CSMD1: variants seen among roughly 807,000 people sequenced by gnomAD.
CSMD1 encodes the protein CUB and Sushi multiple domains 1, also known as CUB and sushi domain-containing protein 1.
A neutral mutation model predicts 417.5 loss-of-function variants in CSMD1; 213 were observed. The ratio of observed to expected loss-of-function variants is 0.51; its 90% confidence interval spans 0.46 to 0.57. CSMD1 has a LOEUF of 0.57. CSMD1 is among the 20% of genes least tolerant of loss of function. The probability of loss-of-function intolerance (pLI) is 0.00; values close to 1 mark genes in which losing one functional copy is unlikely to be tolerated. For synonymous variants in CSMD1, 2,862 were observed against 1,736.8 expected (o/e 1.65, Z -16.11); for missense variants, 6,923 against 4,529.7 (o/e 1.53, Z -15.17).
intron 6 of CSMD1, among the ~76,000 whole-genome samples, chr8:3,722,423 C>T (rs954010009): frequency 6.6e-5 from 10 of 152,188 alleles, no homozygotes; most frequent in Admixed American, 3.9e-4. Context: ...TATAATTAAA[C>T]TCCTAATCTT....
chr8:3,567,968 C>A (rs1005230133), intron 10 of CSMD1, among the ~76,000 whole-genome samples: 1 of 152,202 alleles, frequency 6.6e-6, no homozygotes, highest in Non-Finnish European at 1.5e-5. Context: ...AATGACTGTG[C>A]AGGCATCCAG....
At chr8:3,384,212 T>C (rs559531768) in intron 18 of CSMD1, among the ~76,000 whole-genome samples, 1 of 152,098 alleles carries the variant, frequency 6.6e-6, no homozygotes, top group Non-Finnish European at 1.5e-5. Flanking sequence ...CTTTAAAAAA[T>C]GGTTGTCTGA....
chr8:3,021,634 C>T (rs1040568516), intron 51 of CSMD1, among the ~76,000 whole-genome samples: 2 of 152,216 alleles, frequency 1.3e-5, no homozygotes, highest in African/African-American at 4.8e-5. Context: ...CCGGAAATCA[C>T]CTGCAATCCC....
chr8:3,040,387 AATATATAT>A (rs35722761), intron 50 of CSMD1, among the ~76,000 whole-genome samples: 8,874 of 137,508 alleles, frequency 0.065, 767 homozygotes, highest in African/African-American at 0.19. Context: ...TACACATTGA[AATATATAT>A]ATATATATAT....
At chr8:3,842,189 T>C (rs897854992) in intron 5 of CSMD1, among the ~76,000 whole-genome samples, 1 of 152,162 alleles carries the variant, frequency 6.6e-6, no homozygotes, top group African/African-American at 2.4e-5. Flanking sequence ...CTAGCATCAT[T>C]GTAATATTCC....
At chr8:3,501,500 G>C (rs576831003) in intron 10 of CSMD1, among the ~76,000 whole-genome samples, 1 of 152,254 alleles carries the variant, frequency 6.6e-6, no homozygotes, top group African/African-American at 2.4e-5. Flanking sequence ...TCAGTACCAA[G>C]ACCCTACATC....
chr8:4,542,062 G>T (rs947746857), intron 2 of CSMD1, among the ~76,000 whole-genome samples: 1 of 152,094 alleles, frequency 6.6e-6, no homozygotes, highest in African/African-American at 2.4e-5. Context: ...CGTGTGCAAT[G>T]GGCGCCCTCT....
chr8:4,687,162 A>G (rs1162449253), intron 1 of CSMD1, among the ~76,000 whole-genome samples: 1 of 152,206 alleles, frequency 6.6e-6, no homozygotes, highest in Non-Finnish European at 1.5e-5. Context: ...GCTGCCAGCC[A>G]GAGAGGCAGG....
At chr8:4,337,428 T>TTC (rs1225125656) in intron 3 of CSMD1, among the ~76,000 whole-genome samples, 1 of 152,150 alleles carries the variant, frequency 6.6e-6, no homozygotes, top group African/African-American at 2.4e-5. Flanking sequence ...TATCTTAGCC[T>TTC]TCTCTGTTAA....
chr8:3,330,327 A>G (rs748112441), intron 23 of CSMD1, among the ~76,000 whole-genome samples: 5 of 152,226 alleles, frequency 3.3e-5, no homozygotes, highest in Non-Finnish European at 5.9e-5. Flanking sequence ...TCACAATAGC[A>G]AAGACAAAGA....
At chr8:4,598,625 C>T (rs950485963) in intron 2 of CSMD1, among the ~76,000 whole-genome samples, 2 of 152,138 alleles carry the variant, frequency 1.3e-5, no homozygotes, top group African/African-American at 4.8e-5. Flanking sequence ...TAAATCAACT[C>T]AATAAAAATT....
chr8:3,536,649 T>G (rs913988890), intron 10 of CSMD1, among the ~76,000 whole-genome samples: 1 of 152,180 alleles, frequency 6.6e-6, no homozygotes, highest in Non-Finnish European at 1.5e-5. Flanking sequence ...CACTACCATC[T>G]AGTGGCAGTG....
intron 42 of CSMD1, chr8:3,112,997 AG>A (rs962885667): frequency 3.7e-4 from 57 of 152,324 alleles, no homozygotes; most frequent in African/African-American, 1.3e-3. Context: ...GTGGCATCAA[AG>A]GCACGTTTGC....
chr8:4,820,526 CAGA>C (rs1364480972), intron 1 of CSMD1, among the ~76,000 whole-genome samples: 2 of 152,042 alleles, frequency 1.3e-5, no homozygotes, highest in Non-Finnish European at 2.9e-5. Flanking sequence ...CTCAGAAAGA[CAGA>C]AGAATAATAA....
intron 1 of CSMD1, among the ~76,000 whole-genome samples, chr8:4,839,579 G>C (rs1382342304): frequency 2.6e-5 from 4 of 152,230 alleles, no homozygotes; most frequent in East Asian, 1.9e-4. Context: ...ATCGGCCCAA[G>C]AGATGAAATA....
At chr8:4,404,443 C>T (rs750693446) in intron 3 of CSMD1, among the ~76,000 whole-genome samples, 3 of 151,990 alleles carry the variant, frequency 2.0e-5, no homozygotes, top group Admixed American at 6.6e-5. Flanking sequence ...TGTCAAGCAA[C>T]GAAAGTAATT....
In CSMD1 at chr8:4,953,593, T is replaced by A. The variant is rs575279031; in HGVS notation, c.85+40739A>T. Among the ~76,000 whole-genome samples the A allele has an allele frequency of 1.5e-3, 224 of 152,218 alleles. 1 individual carries two copies. Among genetic ancestry groups the A allele is most frequent in the Admixed American group, 3.7e-3 (57 of 15,274 alleles). ...TTGAGAAACGATTGTCAACTAGTCA[T>A]AAAATTTAGTAAAGAAAAAAACTTG... On this transcript the variant is annotated intron_variant, in intron 1 of 69. Coordinates refer to ENST00000635120, the MANE Select transcript of CSMD1 (RefSeq NM_033225.6).
At chr8:3,794,373 C>A (rs961848088) in intron 5 of CSMD1, among the ~76,000 whole-genome samples, 1 of 152,108 alleles carries the variant, frequency 6.6e-6, no homozygotes, top group Non-Finnish European at 1.5e-5. Context: ...ACTTATAGAT[C>A]ATGAAGTTTC....
intron 6 of CSMD1, among the ~76,000 whole-genome samples, chr8:3,751,199 G>A (rs1323323833): frequency 6.6e-6 from 1 of 151,926 alleles, no homozygotes; most frequent in Non-Finnish European, 1.5e-5. Flanking sequence ...ATGCATTACT[G>A]TTAAGCCAGG....
Sources: allele counts gnomAD v4.1 joint callset (sites outside exome capture counted in the v4.1 genomes callset), GRCh38; gene constraint gnomAD v4.1.1; transcripts MANE v1.5; gene names NCBI Gene and HGNC (gene_info 2026-07-23, HGNC 2026-07-21).